CLIP1: variants seen among roughly 807,000 people sequenced by gnomAD.
CLIP1 encodes CAP-Gly domain-containing linker protein 1.
A neutral mutation model predicts 161.6 loss-of-function variants in CLIP1; 66 were observed. The ratio of observed to expected loss-of-function variants is 0.41; its 90% confidence interval spans 0.33 to 0.50. The LOEUF (loss-of-function observed/expected upper bound fraction) is 0.50, where lower values mean the gene tolerates loss of function less well. CLIP1 is among the 20% of genes least tolerant of loss of function. The pLI, the probability that CLIP1 is intolerant of heterozygous loss-of-function variation, is 0.27. For missense variants in CLIP1, 1,376 were observed against 1,702.0 expected (o/e 0.81, Z 3.37); for synonymous variants, 598 against 626.2 (o/e 0.96, Z 0.67).
intron 5 of CLIP1, among the ~76,000 whole-genome samples, chr12:122,358,033 G>A (rs1326437598): frequency 6.6e-6 from 1 of 152,240 alleles, no homozygotes; most frequent in Non-Finnish European, 1.5e-5. Flanking sequence ...GAAATCGAAT[G>A]GTTGCCATGT....
chr12:122,295,132 G>A (rs952393526), intron 20 of CLIP1, among the ~76,000 whole-genome samples: 2 of 151,652 alleles, frequency 1.3e-5, no homozygotes, highest in African/African-American at 2.4e-5. Context: ...TCTTTGGGAG[G>A]CTGAGATGGG....
intron 1 of CLIP1, among the ~76,000 whole-genome samples, chr12:122,396,184 C>T (rs917760410): frequency 6.6e-6 from 1 of 152,020 alleles, no homozygotes; most frequent in Non-Finnish European, 1.5e-5. Flanking sequence ...TAAAATGTTA[C>T]CCTTGCCATC....
chr12:122,387,792 C>G (rs1298055441), intron 1 of CLIP1, among the ~76,000 whole-genome samples: 1 of 151,358 alleles, frequency 6.6e-6, no homozygotes, highest in East Asian at 1.9e-4. Context: ...TGCTATGTTG[C>G]CCAGGCTGGA....
chr12:122,360,239 T>G (rs1429533008), intron 5 of CLIP1, among the ~76,000 whole-genome samples: 1 of 152,130 alleles, frequency 6.6e-6, no homozygotes, highest in Admixed American at 6.5e-5. Context: ...TAACACACCT[T>G]TTCTCAAAAC....
Position 122,355,469 on chromosome 12 carries a change from G to C in CLIP1, c.1006-157C>G, listed in dbSNP as rs1953290688. ...AGGAAAGGCTTCCTCAAAAACACAAGACAGTGTGTGCCTTCTGTCTATAAA... is the reference window on the plus strand; with the variant it reads ...AGGAAAGGCTTCCTCAAAAACACAACACAGTGTGTGCCTTCTGTCTATAAA... On this transcript the variant is annotated intron_variant, in intron 5 of 25. Coordinates refer to ENST00000620786, the MANE Select transcript of CLIP1 (RefSeq NM_001247997.2). The surrounding 1 kb of genome is among the most constrained non-coding windows in gnomAD (Gnocchi z 4.1). 8.1e-6 allele frequency: 5 copies of C among 619,192 alleles called. No individual in the cohort carries two copies. Among genetic ancestry groups the C allele is most frequent in the Admixed American group, 5.7e-5 (2 of 34,812 alleles). 38.4% of individuals were successfully genotyped at this position (619,192 alleles called of 1,614,324 possible).
chr12:122,390,181 A>ATATATG (rs1555280524), intron 1 of CLIP1, among the ~76,000 whole-genome samples: 1 of 135,170 alleles, frequency 7.4e-6, no homozygotes, highest in Non-Finnish European at 1.6e-5. Context: ...AGATATATAT[A>ATATATG]TATATATATA....
chr12:122,394,392 G>C (rs905569749), intron 1 of CLIP1, among the ~76,000 whole-genome samples: 1 of 150,396 alleles, frequency 6.6e-6, no homozygotes, highest in African/African-American at 2.5e-5. Context: ...TGGAGGCTCA[G>C]GCACGAGAAT....
At chr12:122,273,915 A>G in intron 25 of CLIP1, 123 bp downstream of exon 25, 3 of 719,984 alleles carry the variant, frequency 4.2e-6, no homozygotes, top group Non-Finnish European at 7.0e-6. Context: ...TATTTTTAGT[A>G]GAGACGAGGT....
intron 2 of CLIP1, 127 bp from the exon 3 acceptor site, chr12:122,378,087 G>A: frequency 2.4e-6 from 2 of 840,544 alleles, no homozygotes; most frequent in Non-Finnish European, 3.7e-6. Context: ...GTGTTTTAAA[G>A]TGTGGTTTTT....
At position 122,336,638 on chromosome 12, in the gene CLIP1, C is replaced by G; in HGVS notation, c.2562G>C (p.Gln854His). The part of the protein sequence containing the change: ...QVKETLEKEL[Q>H]ILKEKFAEAS... Reference sequence around the variant, plus strand: ...ATTCCCAACAGGTACTTACCAAAATCTGAAGTTCTTTTTCCAAAGTCTCTT... The same window carrying G: ...ATTCCCAACAGGTACTTACCAAAATGTGAAGTTCTTTTTCCAAAGTCTCTT... Residue 854 changes from glutamine to histidine, a missense_variant, in exon 12 of 26, where the codon CAG becomes CAC. Physicochemically the swap from Gln to His is conservative, Grantham distance 24. Coordinates refer to ENST00000620786, the MANE Select transcript of CLIP1 (RefSeq NM_001247997.2). 6.3e-7 allele frequency: 1 copy of G among 1,578,922 alleles called. No homozygotes were observed. The highest frequency in any genetic ancestry group is 8.7e-7 in the Non-Finnish European group (1 of 1,150,798).
chr12:122,401,871 C>T (rs1223848456), intron 1 of CLIP1, among the ~76,000 whole-genome samples: 1 of 152,016 alleles, frequency 6.6e-6, no homozygotes, highest in Non-Finnish European at 1.5e-5. Flanking sequence ...GTAGCACATG[C>T]CTGTAATCCC....
intron 3 of CLIP1, among the ~76,000 whole-genome samples, chr12:122,373,061 G>A (rs1954532691): frequency 6.6e-6 from 1 of 152,064 alleles, no homozygotes; most frequent in South Asian, 2.1e-4. Flanking sequence ...CACCACTAAA[G>A]AACTCACTCA....
chr12:122,297,362 C>G (rs935008171), intron 20 of CLIP1, among the ~76,000 whole-genome samples: 1 of 152,098 alleles, frequency 6.6e-6, no homozygotes, highest in African/African-American at 2.4e-5. Flanking sequence ...AGAGGAGAAG[C>G]GCCTCTCTGT....
chr12:122,298,560 G>A (rs111373320), intron 20 of CLIP1, among the ~76,000 whole-genome samples: 38 of 145,922 alleles, frequency 2.6e-4, no homozygotes, highest in African/African-American at 9.0e-4. Flanking sequence ...TTATGCCATC[G>A]CACTCCAGCC....
intron 1 of CLIP1, among the ~76,000 whole-genome samples, chr12:122,416,505 T>A (rs1956761457): frequency 6.6e-6 from 1 of 152,174 alleles, no homozygotes; most frequent in African/African-American, 2.4e-5. Context: ...AAGCCTACAG[T>A]CCCAGCTACT....
chr12:122,329,226 C>T (rs1391078048), intron 15 of CLIP1, among the ~76,000 whole-genome samples: 1 of 152,116 alleles, frequency 6.6e-6, no homozygotes, highest in Admixed American at 6.6e-5. Context: ...ACTCAGGAGG[C>T]TGAGGCAGGA....
At chr12:122,326,489 G>T (rs988283315) in intron 17 of CLIP1, among the ~76,000 whole-genome samples, 5 of 152,232 alleles carry the variant, frequency 3.3e-5, no homozygotes, top group Admixed American at 3.3e-4. Context: ...AGACCAGCCT[G>T]AGCAACATAG....
At chr12:122,339,807 A>C (rs1952410963) in intron 11 of CLIP1, among the ~76,000 whole-genome samples, 1 of 152,220 alleles carries the variant, frequency 6.6e-6, no homozygotes, top group African/African-American at 2.4e-5. Context: ...TAGAAGGTAT[A>C]GTCTACTACA....
intron 20 of CLIP1, among the ~76,000 whole-genome samples, chr12:122,294,052 T>C (rs1592996797): frequency 6.6e-6 from 1 of 150,870 alleles, no homozygotes; most frequent in Admixed American, 6.6e-5. Context: ...ACAACTTTAC[T>C]CAAAATACCC....
Sources: allele counts gnomAD v4.1 joint callset (sites outside exome capture counted in the v4.1 genomes callset), GRCh38; gene constraint gnomAD v4.1.1; non-coding constraint Gnocchi (gnomAD v3.1); transcripts MANE v1.5; gene names NCBI Gene and HGNC (gene_info 2026-07-23, HGNC 2026-07-21).